Variants in LUZP2 observed in about 807,000 individuals in gnomAD.
LUZP2 encodes leucine zipper protein 2.
In LUZP2, 52 loss-of-function variants were observed where a neutral mutation model predicts 51.6. The ratio of observed to expected loss-of-function variants is 1.01; its 90% CI spans 0.81 to 1.27. The LOEUF is 1.27. LUZP2 is among the 50% of genes most tolerant of loss of function. The pLI is 0.00. For missense variants in LUZP2, 436 were observed against 395.4 expected, an observed-to-expected ratio of 1.10 and a Z score of -0.87; for synonymous variants, 154 against 137.3, an observed-to-expected ratio of 1.12 and a Z score of -0.85.
At chr11:24,543,650 G>A (rs1357242464) in intron 1 of LUZP2, among the ~76,000 whole-genome samples, 4 of 151,722 alleles carry the variant, frequency 2.6e-5, no homozygotes, top group East Asian at 2.0e-4. Flanking sequence ...GTGAAATTCC[G>A]TCTCTACTAA....
chr11:24,564,836 T>A (rs2133781109), intron 1 of LUZP2, among the ~76,000 whole-genome samples: 1 of 152,320 alleles, frequency 6.6e-6, no homozygotes, highest in Admixed American at 6.5e-5. Context: ...TTAAAATTTT[T>A]GTTACCACAG....
chr11:25,009,153 A>C (rs1856915936), intron 9 of LUZP2, among the ~76,000 whole-genome samples: 1 of 152,234 alleles, frequency 6.6e-6, no homozygotes, highest in Non-Finnish European at 1.5e-5. Flanking sequence ...TGTACATTCC[A>C]ACAATTTTGA....
intron 5 of LUZP2, among the ~76,000 whole-genome samples, chr11:24,848,602 G>A (rs1851280486): frequency 6.6e-6 from 1 of 151,898 alleles, no homozygotes; most frequent in Non-Finnish European, 1.5e-5. Context: ...CTGCATTTTT[G>A]CCCCATCACA....
At chr11:24,995,398 A>G (rs182264053) in intron 9 of LUZP2, among the ~76,000 whole-genome samples, 6 of 152,334 alleles carry the variant, frequency 3.9e-5, no homozygotes, top group Admixed American at 3.3e-4. Context: ...GTCCTCAGAA[A>G]ATAAAAATAA....
chr11:24,963,076 G>A (rs530746293), intron 7 of LUZP2, among the ~76,000 whole-genome samples: 52 of 152,228 alleles, frequency 3.4e-4, no homozygotes, highest in African/African-American at 1.1e-3. Flanking sequence ...GCAGAACAGC[G>A]GTTTTTCGTG....
At position 25,082,314 on chromosome 11, in the gene LUZP2, C is replaced by A. The variant is rs1023017696; in HGVS notation, c.*3656C>A. The A allele has an allele frequency of 2.0e-5, 3 of 152,522 alleles. No individual in the cohort carries two copies. The highest frequency in any genetic ancestry group is 7.2e-5 in the African/African-American group (3 of 41,414). The allele number at this position is 152,522 out of a possible 1,614,324, so 9.4% of individuals were successfully genotyped here. A position where few individuals can be genotyped will look rare whatever the true frequency, so the allele number is the denominator to read the frequency against. ...TAGATGAACAATGTGGATAACTGAA[C>A]TAAAACGATATTTGTGAACTTTGCT... On this transcript the variant is annotated 3_prime_UTR_variant, in exon 12 of 12. Coordinates refer to ENST00000336930, the MANE Select transcript of LUZP2 (RefSeq NM_001009909.4).
At chr11:24,562,847 G>GA (rs1852092860) in intron 1 of LUZP2, among the ~76,000 whole-genome samples, 3 of 140,666 alleles carry the variant, frequency 2.1e-5, no homozygotes, top group African/African-American at 8.0e-5. Context: ...GGGTGACAGA[G>GA]TGAGACTCCA....
intron 1 of LUZP2, among the ~76,000 whole-genome samples, chr11:24,686,010 A>G (rs577460304): frequency 6.6e-6 from 1 of 152,244 alleles, no homozygotes; most frequent in South Asian, 2.1e-4. Flanking sequence ...ACACTCTTAT[A>G]TAGTGTTGTA....
chr11:24,954,959 A>G (rs1050752233), intron 7 of LUZP2, among the ~76,000 whole-genome samples: 1 of 152,042 alleles, frequency 6.6e-6, no homozygotes, highest in South Asian at 2.1e-4. Flanking sequence ...CCACAACTTT[A>G]GGAAGAAGGG....
intron 5 of LUZP2, among the ~76,000 whole-genome samples, chr11:24,805,765 T>A (rs1445397768): frequency 6.6e-6 from 1 of 152,090 alleles, no homozygotes; most frequent in African/African-American, 2.4e-5. Context: ...CAAAACTAAG[T>A]AGTTTGGGAA....
chr11:24,830,759 C>T (rs1850676084), intron 5 of LUZP2, among the ~76,000 whole-genome samples: 1 of 151,906 alleles, frequency 6.6e-6, no homozygotes, highest in Non-Finnish European at 1.5e-5. Context: ...CTTTGGGAGG[C>T]CGAGGCGGGC....
At chr11:24,868,390 T>A (rs1851959717) in intron 5 of LUZP2, among the ~76,000 whole-genome samples, 1 of 152,182 alleles carries the variant, frequency 6.6e-6, no homozygotes, top group South Asian at 2.1e-4. Context: ...GTCACCTCTC[T>A]AAAATAATAT....
At chr11:24,943,571 C>T (rs1413061011) in intron 7 of LUZP2, among the ~76,000 whole-genome samples, 1 of 152,080 alleles carries the variant, frequency 6.6e-6, no homozygotes, top group Admixed American at 6.6e-5. Context: ...TTTATTCTAA[C>T]TTATTTTGTC....
At chr11:24,986,393 G>T (rs1856187742) in intron 9 of LUZP2, among the ~76,000 whole-genome samples, 1 of 151,466 alleles carries the variant, frequency 6.6e-6, no homozygotes, top group Non-Finnish European at 1.5e-5. Context: ...CTATATAATA[G>T]TATACTACTG....
chr11:24,659,688 TG>T (rs1372441687), intron 1 of LUZP2, among the ~76,000 whole-genome samples: 3 of 152,076 alleles, frequency 2.0e-5, no homozygotes, highest in Non-Finnish European at 4.4e-5. Context: ...ATGCATAAGA[TG>T]AAAAAAATTG....
At chr11:24,750,702 C>T (rs1390274018) in intron 4 of LUZP2, among the ~76,000 whole-genome samples, 6 of 152,150 alleles carry the variant, frequency 3.9e-5, no homozygotes, top group Non-Finnish European at 8.8e-5. Context: ...TATCCCTCAA[C>T]TTTCTCTTCT....
chr11:24,776,045 A>C (rs1269920326), intron 5 of LUZP2, among the ~76,000 whole-genome samples: 3 of 152,196 alleles, frequency 2.0e-5, no homozygotes, highest in African/African-American at 7.2e-5. Flanking sequence ...GGTTCTAAAA[A>C]TCAAACAACC....
chr11:24,913,540 G>A (rs190858867), intron 6 of LUZP2, among the ~76,000 whole-genome samples: 75 of 152,112 alleles, frequency 4.9e-4, no homozygotes, highest in African/African-American at 1.4e-3. Flanking sequence ...GCAGTGTAAT[G>A]CAATGTACAT....
intron 7 of LUZP2, among the ~76,000 whole-genome samples, chr11:24,919,669 T>C (rs531303797): frequency 6.7e-5 from 10 of 149,442 alleles, no homozygotes; most frequent in East Asian, 2.0e-4. Flanking sequence ...TGCATACATA[T>C]ATATATAATG....
Sources: gnomAD v4.1 joint callset for allele counts (sites outside exome capture counted in the v4.1 genomes callset) on GRCh38, gnomAD v4.1.1 for gene constraint, MANE v1.5 for transcripts, NCBI Gene and HGNC (gene_info 2026-07-23, HGNC 2026-07-21) for gene names.